Variants in DCHS2 observed in about 807,000 individuals in gnomAD.
DCHS2 encodes dachsous cadherin-related 2, also known as protocadherin-23.
A neutral mutation model predicts 182.4 loss-of-function variants in DCHS2; 142 were observed. The observed-to-expected ratio is 0.78, with a 90% CI of 0.68 to 0.89. DCHS2 has a LOEUF of 0.89. Among genes scored for constraint, DCHS2 ranks in the 40% least tolerant of loss-of-function variants. DCHS2 has a pLI of 0.00. For synonymous variants in DCHS2, 1,740 were observed against 1,663.3 expected (o/e 1.05, Z -1.12); for missense variants, 4,319 against 4,198.6 (o/e 1.03, Z -0.79).
intron 4 of DCHS2, chr4:154,334,599 T>C (rs1258570239): frequency 5.5e-6 from 2 of 362,636 alleles, no homozygotes; most frequent in African/African-American, 4.1e-5. Flanking sequence ...GTGAGTGGGT[T>C]ATAGGAGACA....
intron 1 of DCHS2, among the ~76,000 whole-genome samples, chr4:154,463,330 T>C (rs1240509650): frequency 1.3e-5 from 2 of 152,062 alleles, no homozygotes; most frequent in African/African-American, 4.8e-5. Flanking sequence ...ATAGGCTTTT[T>C]TCCCCCAATA....
At chr4:154,312,868 A>C (rs56011516) in intron 10 of DCHS2, among the ~76,000 whole-genome samples, 40,794 of 152,118 alleles carry the variant, frequency 0.27, 6,484 homozygotes, top group South Asian at 0.36. Flanking sequence ...TAAAGCTATC[A>C]GCCCAGTGGA....
chr4:154,353,934 T>C (rs572040703), intron 3 of DCHS2, among the ~76,000 whole-genome samples: 2 of 152,176 alleles, frequency 1.3e-5, no homozygotes, highest in African/African-American at 2.4e-5. Flanking sequence ...TTTATTGTAG[T>C]TTTTATTTTT....
intron 2 of DCHS2, among the ~76,000 whole-genome samples, chr4:154,367,958 GC>G (rs1350904428): frequency 6.6e-6 from 1 of 151,986 alleles, no homozygotes; most frequent in Non-Finnish European, 1.5e-5. Context: ...TGTACTCCAG[GC>G]TTTGAGGACT....
chr4:154,434,209 T>G (rs1454576652), intron 1 of DCHS2, among the ~76,000 whole-genome samples: 1 of 152,092 alleles, frequency 6.6e-6, no homozygotes, highest in Non-Finnish European at 1.5e-5. Context: ...TGAGGGGAGA[T>G]GATTGCTTGA....
chr4:154,353,244 C>A (rs1292502257), intron 3 of DCHS2, among the ~76,000 whole-genome samples: 2 of 151,974 alleles, frequency 1.3e-5, no homozygotes, highest in South Asian at 2.1e-4. Context: ...AGAAACCCAC[C>A]TTCACCCAAG....
chr4:154,337,283 T>C lies in DCHS2; in HGVS notation c.2477-2179A>G, dbSNP rs565926644. The stretch of plus-strand genomic sequence containing the variant: ...CACCAGGTATATATTCTTCCAGAGC[T>C]ACCACTAAATTCCGATTACAGAGAA... On this transcript the variant is annotated intron_variant, in intron 3 of 19. Transcript: ENST00000357232. 3.9e-4 allele frequency among the ~76,000 whole-genome samples: 60 copies of C among 152,334 alleles called. 1 individual carries two copies. Among genetic ancestry groups the C allele is most frequent in the Middle Eastern group, 6.8e-3 (2 of 294 alleles).
In DCHS2 at chr4:154,332,842, G is replaced by A. The variant is rs753866105; in HGVS notation, c.3366C>T (p.Tyr1122=). ...GPQRAASPLR[Y]SLEPSVDSAM... is the part of the protein sequence containing the mutation. ...CAGAGTCTACGCTGGGTTCCAGCGA[G>A]TACCTAAGAGGCGAGGCTGCACGCT... Residue 1122 remains tyrosine (Y), a synonymous_variant, in exon 5 of 20, where the codon TAC becomes TAT. Coordinates refer to ENST00000357232, the MANE Select transcript of DCHS2 (RefSeq NM_001358235.2). 3.1e-6 allele frequency: 5 copies of A among 1,614,112 alleles called. No individual in the cohort carries two copies. In the East Asian group the frequency reaches 1.1e-4, roughly 36 times the overall value.
At chr4:154,436,111 T>C (rs940847871) in intron 1 of DCHS2, among the ~76,000 whole-genome samples, 1 of 152,182 alleles carries the variant, frequency 6.6e-6, no homozygotes, top group Admixed American at 6.5e-5. Flanking sequence ...GTCAGGGGGT[T>C]CCCCAAAGAC....
Position 154,315,898 on chromosome 4 carries a change from G to C in DCHS2, c.5110C>G (p.Leu1704Val). 6.2e-7 allele frequency: 1 copy of C among 1,613,988 alleles called. No individual in the cohort carries two copies. The highest frequency in any genetic ancestry group is 1.1e-5 in the South Asian group (1 of 91,080). ...ACTGTCAAAGTCTGGGATGAAGAAA[G>C]TGCTGGTGTGCCATCATCCAGTGCC... is the stretch of plus-strand genomic sequence containing the variant. ...VLALDDGTPA[L>V]SSSQTLTVTV... The change falls in exon 10 of 20, where the codon CTT becomes GTT. Residue 1704 changes from leucine (L) to valine (V), a missense_variant. Coordinates refer to ENST00000357232, the MANE Select transcript of DCHS2 (RefSeq NM_001358235.2).
At chr4:154,462,062 C>A (rs1735030690) in intron 1 of DCHS2, among the ~76,000 whole-genome samples, 1 of 152,174 alleles carries the variant, frequency 6.6e-6, no homozygotes, top group South Asian at 2.1e-4. Context: ...ACCCACCTCA[C>A]CCGCCCCACT....
At chr4:154,290,732 C>T (rs1371766537) in intron 13 of DCHS2, among the ~76,000 whole-genome samples, 1 of 152,036 alleles carries the variant, frequency 6.6e-6, no homozygotes, top group African/African-American at 2.4e-5. Context: ...ACTGTATATC[C>T]ATGTGCAAAA....
intron 1 of DCHS2, among the ~76,000 whole-genome samples, chr4:154,487,887 T>C (rs1225186773): frequency 2.0e-5 from 3 of 152,112 alleles, no homozygotes; most frequent in Non-Finnish European, 2.9e-5. Flanking sequence ...AGATAAGAAA[T>C]AGGAAATTGG....
chr4:154,262,224 GT>G (rs1733018807), intron 14 of DCHS2: 1 of 152,158 alleles, frequency 6.6e-6, no homozygotes, highest in African/African-American at 2.4e-5. Context: ...TGGATCGACG[GT>G]TCTAATGCTT....
chr4:154,235,630 G>A lies in DCHS2; in HGVS notation c.9022C>T (p.Leu3008Phe). The change falls in exon 20 of 20, where the codon CTC becomes TTC. Residue 3008 changes from leucine (L) to phenylalanine (F), a missense_variant. Transcript: ENST00000357232. ...LVVSFLVFLI[L>F]ICILIVMILR... The stretch of plus-strand genomic sequence containing the variant: ...ATCATTACAATTAGAATGCAGATGA[G>A]TATCAGAAACACTAAAAAGGAGACC... 2 of 1,613,906 alleles carry A rather than the reference G, an allele frequency of 1.2e-6. No individual in the cohort carries two copies. Among genetic ancestry groups the A allele is most frequent in the Non-Finnish European group, 1.7e-6 (2 of 1,179,936 alleles).
intron 1 of DCHS2, among the ~76,000 whole-genome samples, chr4:154,387,741 TTAAAGGCAAA>T (rs1731485149): frequency 6.6e-6 from 1 of 151,938 alleles, no homozygotes; most frequent in African/African-American, 2.4e-5. Context: ...ACACAAAATA[TTAAAGGCAAA>T]TGAGGTATAT....
At chr4:154,271,652 T>G in intron 13 of DCHS2, among the ~76,000 whole-genome samples, 1 of 152,194 alleles carries the variant, frequency 6.6e-6, no homozygotes, top group East Asian at 1.9e-4. Flanking sequence ...TTGATGTCCT[T>G]GTAATATTTT....
intron 13 of DCHS2, among the ~76,000 whole-genome samples, chr4:154,274,326 A>G (rs979157222): frequency 4.6e-5 from 7 of 152,184 alleles, no homozygotes; most frequent in African/African-American, 1.7e-4. Context: ...TCTGACTCCA[A>G]TTCTGAGTTT....
At chr4:154,262,259 G>C (rs1733020158) in intron 14 of DCHS2, 1 of 152,064 alleles carries the variant, frequency 6.6e-6, no homozygotes. Flanking sequence ...TTTATTTTTG[G>C]GGTAATAACT....
Sources: gnomAD v4.1 joint callset for allele counts (sites outside exome capture counted in the v4.1 genomes callset) on GRCh38, gnomAD v4.1.1 for gene constraint, MANE v1.5 for transcripts, NCBI Gene and HGNC (gene_info 2026-07-23, HGNC 2026-07-21) for gene names.